The following MKNK1 variants were observed in gnomAD, a reference collection of about 807,000 sequenced individuals.
MKNK1 encodes MAP kinase-interacting serine/threonine-protein kinase 1.
MKNK1 carries 30 observed loss-of-function variants against 49.3 expected under a neutral mutation model. The observed-to-expected ratio is 0.61, with a 90% CI of 0.46 to 0.83. The LOEUF is 0.83. Among genes scored for constraint, MKNK1 ranks in the 40% least tolerant of loss-of-function variants. The probability of loss-of-function intolerance (pLI) is 0.00; values close to 1 mark genes in which losing one functional copy is unlikely to be tolerated. For missense variants in MKNK1, 423 were observed against 524.7 expected (o/e 0.81, Z 1.89); for synonymous variants, 176 against 201.7 (o/e 0.87, Z 1.08).
At position 46,565,051 on chromosome 1, in the gene MKNK1, A is replaced by G. The variant is rs537051628; in HGVS notation, c.599T>C (p.Leu200Pro). The G allele has an allele frequency of 6.2e-7, 1 of 1,614,166 alleles. No individual in the cohort carries two copies. Among genetic ancestry groups the G allele is most frequent in the East Asian group, 2.2e-5 (1 of 44,888 alleles). Residue 200 changes from leucine (L) to proline (P), a missense_variant, in exon 9 of 13, where the codon CTG (leucine) becomes CCG (proline). By Grantham distance (98) the Leu-to-Pro change is moderately conservative (BLOSUM62 -3). Transcript: ENST00000371945. ...AGGAAGCATACGTACTGGGGTGGTC[A>G]GCTCTGGTGTGGTTATGGGGGTACA... The part of the protein sequence containing the change: ...NSCTPITTPE[L>P]TTPCGSAEYM...
At chr1:46,603,944 C>T (rs1319487746) in intron 1 of MKNK1, among the ~76,000 whole-genome samples, 3 of 152,198 alleles carry the variant, frequency 2.0e-5, no homozygotes, top group East Asian at 3.9e-4. Context: ...GAGTCTCAAA[C>T]GGGCCACAGA....
intron 1 of MKNK1, among the ~76,000 whole-genome samples, chr1:46,598,969 A>C (rs1350142119): frequency 1.3e-5 from 2 of 152,210 alleles, no homozygotes; most frequent in East Asian, 3.8e-4. Flanking sequence ...GGGCAATTAC[A>C]CCCACATCAC....
rs1013531860 is a variant in MKNK1, at chr1:46,589,576, G to A, written c.-3+4537C>T. 2.0e-5 allele frequency among the ~76,000 whole-genome samples: 3 copies of A among 152,220 alleles called. No individual in the cohort carries two copies. The highest frequency in any genetic ancestry group is 7.2e-5 in the African/African-American group (3 of 41,456). ...CATGTTTCGTCTCTTTGTAAAACCT[G>A]TGAGTGAACGAGCACTGATGGTACT... On this transcript the variant is annotated intron_variant, in intron 2 of 12. Transcript: ENST00000371945. The surrounding 1 kb of genome is among the most constrained non-coding windows in gnomAD (Gnocchi z 4.3).
At chr1:46,590,046 A>T (rs1478644241) in intron 2 of MKNK1, among the ~76,000 whole-genome samples, 1 of 152,152 alleles carries the variant, frequency 6.6e-6, no homozygotes, top group Non-Finnish European at 1.5e-5. Context: ...AACCTTTAAG[A>T]GCGATTTCCC....
intron 2 of MKNK1, chr1:46,593,855 G>GAAA (rs61626573): frequency 1.1e-3 from 146 of 128,110 alleles, no homozygotes; most frequent in South Asian, 2.3e-3. Context: ...GACTCTATCT[G>GAAA]AAAAAAAAAA....
chr1:46,594,124 T>G lies in MKNK1; in HGVS notation c.-14A>C. On this transcript the variant is annotated 5_prime_UTR_variant, in exon 2 of 13. Coordinates refer to ENST00000371945, the MANE Select transcript of MKNK1 (RefSeq NM_001135553.4). ...ACACCCAATCTTACCTATAGGTTTT[T>G]CCAACTTTTGAGAAGATACCATCTG... The G allele has an allele frequency of 6.2e-7, 1 of 1,610,766 alleles. No homozygotes were observed. Among genetic ancestry groups the G allele is most frequent in the Non-Finnish European group, 8.5e-7 (1 of 1,177,134 alleles).
intron 6 of MKNK1, among the ~76,000 whole-genome samples, chr1:46,572,724 C>T (rs1670380254): frequency 6.6e-6 from 1 of 152,140 alleles, no homozygotes; most frequent in South Asian, 2.1e-4. Context: ...GAGAGAACAA[C>T]TATAAATAGG....
At chr1:46,602,585 A>G (rs1408998400) in intron 1 of MKNK1, among the ~76,000 whole-genome samples, 1 of 152,226 alleles carries the variant, frequency 6.6e-6, no homozygotes, top group Non-Finnish European at 1.5e-5. Context: ...GCGGCCCTGG[A>G]TGGCTCTGAA....
At chr1:46,565,253 C>G in intron 8 of MKNK1, 117 bp from the exon 9 acceptor site, 1 of 905,006 alleles carries the variant, frequency 1.1e-6, no homozygotes, top group East Asian at 2.4e-5. Context: ...CTGGTTTTGT[C>G]AGGTCATGTT....
intron 1 of MKNK1, among the ~76,000 whole-genome samples, chr1:46,596,471 C>A (rs1001679251): frequency 7.2e-5 from 11 of 152,280 alleles, no homozygotes; most frequent in African/African-American, 1.7e-4. Flanking sequence ...AGAAAAAAAA[C>A]CCCTCAGAAT....
intron 7 of MKNK1, among the ~76,000 whole-genome samples, chr1:46,571,843 T>C (rs1045782691): frequency 3.9e-5 from 6 of 152,240 alleles, no homozygotes; most frequent in Non-Finnish European, 8.8e-5. Flanking sequence ...ATCCCTGTGC[T>C]GCTCAACAGC....
chr1:46,580,859 C>A (rs566874063), intron 3 of MKNK1, among the ~76,000 whole-genome samples: 1 of 152,250 alleles, frequency 6.6e-6, no homozygotes, highest in South Asian at 2.1e-4. Flanking sequence ...ATGAGGTTAG[C>A]AAAAGGGTCT....
At chr1:46,586,325 G>C (rs1035629881) in intron 2 of MKNK1, 1 of 235,136 alleles carries the variant, frequency 4.3e-6, no homozygotes, top group Non-Finnish European at 8.6e-6. Context: ...CTCCAGATGA[G>C]TTAAGGTTTC....
chr1:46,583,151 G>C (rs140500026), intron 3 of MKNK1, 77 bp downstream of exon 3: 18 of 1,127,188 alleles, frequency 1.6e-5, no homozygotes, highest in African/African-American at 1.2e-4. Context: ...TTCTGTGATC[G>C]GACCTGTGGC....
At chr1:46,561,701 T>A in intron 10 of MKNK1, 59 bp from the exon 11 acceptor site, 1 of 1,577,584 alleles carries the variant, frequency 6.3e-7, no homozygotes, top group Non-Finnish European at 8.7e-7. Context: ...GATGTGCCTG[T>A]CATTGTTTTG....
At chr1:46,583,777 C>T (rs1046618745) in intron 2 of MKNK1, among the ~76,000 whole-genome samples, 7 of 152,142 alleles carry the variant, frequency 4.6e-5, no homozygotes, top group African/African-American at 7.2e-5. Context: ...GTCATAGGCT[C>T]AGCAACATCG....
chr1:46,597,891 G>A (rs926595152), intron 1 of MKNK1, among the ~76,000 whole-genome samples: 11 of 152,154 alleles, frequency 7.2e-5, no homozygotes, highest in African/African-American at 1.2e-4. Context: ...CAGAAAAACC[G>A]AAGAGAAAGA....
Position 46,568,465 on chromosome 1 carries a change from A to AT in MKNK1, c.490dup (p.Ile164AsnfsTer4). 6.2e-7 allele frequency: 1 copy of AT among 1,614,166 alleles called. No homozygotes were observed. Among genetic ancestry groups the AT allele is most frequent in the Non-Finnish European group, 8.5e-7 (1 of 1,180,016 alleles). On this transcript the variant is annotated frameshift_variant, in exon 8 of 13. Transcript: ENST00000371945. LOFTEE classifies it high-confidence loss of function. ...TACCTTTTCTGGAGATTCACACAAT[A>AT]TATTTTCTGGTTTCAGATCACGATG...
chr1:46,562,567 C>T, intron 10 of MKNK1, 82 bp downstream of exon 10: 1 of 1,450,582 alleles, frequency 6.9e-7, no homozygotes, highest in Non-Finnish European at 9.2e-7. Flanking sequence ...GGAACGCTCT[C>T]CCAGCCCAGT....
Sources: allele counts gnomAD v4.1 joint callset (sites outside exome capture counted in the v4.1 genomes callset), GRCh38; gene constraint gnomAD v4.1.1; non-coding constraint Gnocchi (gnomAD v3.1); transcripts MANE v1.5; gene names NCBI Gene and HGNC (gene_info 2026-07-23, HGNC 2026-07-21).